ARMH4: variants seen among roughly 807,000 people sequenced by gnomAD.
The protein encoded by ARMH4 is armadillo-like helical domain-containing protein 4.
Under a neutral mutation model 61.9 loss-of-function variants are expected in ARMH4, and 49 were observed. The ratio of observed to expected loss-of-function variants is 0.79; its 90% confidence interval spans 0.63 to 1.00. The LOEUF is 1.00. ARMH4 is among the 50% of genes least tolerant of loss of function. ARMH4 has a pLI of 0.00. For missense variants in ARMH4, 934 were observed against 930.0 expected (o/e 1.00, Z -0.06); for synonymous variants, 368 against 341.5 (o/e 1.08, Z -0.85).
chr14:58,034,499 C>G (rs377085693), intron 5 of ARMH4, among the ~76,000 whole-genome samples: 1 of 126,918 alleles, frequency 7.9e-6, no homozygotes, highest in Non-Finnish European at 1.8e-5. Context: ...CATCAACTAA[C>G]AAGCAAAATC....
At chr14:58,090,617 C>T (rs1261628074) in intron 5 of ARMH4, among the ~76,000 whole-genome samples, 1 of 151,206 alleles carries the variant, frequency 6.6e-6, no homozygotes, top group Admixed American at 6.6e-5. Flanking sequence ...AGTGGCTCAC[C>T]CCTGTAATCT....
At chr14:58,115,427 T>C (rs1018147165) in intron 4 of ARMH4, among the ~76,000 whole-genome samples, 1 of 152,098 alleles carries the variant, frequency 6.6e-6, no homozygotes, top group African/African-American at 2.4e-5. Flanking sequence ...ACATAACAGA[T>C]GCTGGTGAGG....
At chr14:58,042,048 G>C (rs1410526296) in intron 5 of ARMH4, among the ~76,000 whole-genome samples, 1 of 151,806 alleles carries the variant, frequency 6.6e-6, no homozygotes, top group Non-Finnish European at 1.5e-5. Flanking sequence ...GAGACAGAAA[G>C]TTAACAAGGA....
intron 5 of ARMH4, among the ~76,000 whole-genome samples, chr14:58,074,222 C>T (rs141444131): frequency 2.4e-3 from 369 of 152,290 alleles, no homozygotes; most frequent in African/African-American, 7.9e-3. Flanking sequence ...TTGATTCTCA[C>T]AAGATGATTT....
chr14:58,031,698 T>C (rs1466608936), intron 5 of ARMH4, among the ~76,000 whole-genome samples: 2 of 152,166 alleles, frequency 1.3e-5, no homozygotes, highest in African/African-American at 4.8e-5. Flanking sequence ...CAATACATGA[T>C]ACACTAACAA....
At chr14:58,075,354 C>A (rs960805172) in intron 5 of ARMH4, among the ~76,000 whole-genome samples, 36 of 152,120 alleles carry the variant, frequency 2.4e-4, no homozygotes, top group African/African-American at 8.5e-4. Flanking sequence ...TGGAACCACC[C>A]AAATGCCCAT....
chr14:58,134,148 C>T (rs1285147323), intron 2 of ARMH4, among the ~76,000 whole-genome samples: 2 of 152,190 alleles, frequency 1.3e-5, no homozygotes, highest in African/African-American at 4.8e-5. Context: ...GCTATTATAA[C>T]TCCACTTTAC....
intron 6 of ARMH4, among the ~76,000 whole-genome samples, chr14:58,006,797 TAC>T (rs1882189136): frequency 6.7e-6 from 1 of 150,172 alleles, no homozygotes; most frequent in Non-Finnish European, 1.5e-5. Flanking sequence ...CATTAGGAGA[TAC>T]ACCTAATGTA....
intron 5 of ARMH4, among the ~76,000 whole-genome samples, chr14:58,084,588 T>C (rs1474370714): frequency 6.6e-6 from 1 of 152,184 alleles, no homozygotes; most frequent in Admixed American, 6.5e-5. Flanking sequence ...ATCCTTCCTG[T>C]TCCAAACAGT....
In ARMH4 at chr14:58,003,560, C is replaced by G. The variant is rs898777466; in HGVS notation, c.*1176G>C. 7 of 152,192 alleles carry G rather than the reference C, an allele frequency of 4.6e-5. No individual in the cohort carries two copies. Among genetic ancestry groups the G allele is most frequent in the Non-Finnish European group, 7.3e-5 (5 of 68,032 alleles). The allele number at this position is 152,192 out of a possible 1,614,324, so 9.4% of individuals were successfully genotyped here. On this transcript the variant is annotated 3_prime_UTR_variant, in exon 8 of 8. Coordinates refer to ENST00000267485, the MANE Select transcript of ARMH4 (RefSeq NM_001001872.4). The stretch of plus-strand genomic sequence containing the variant: ...AAACTCAACTACAAATCCTCAATCC[C>G]TAGATTCAAATAGCGCATTGGAATA...
At chr14:58,115,716 C>A (rs147859624) in intron 4 of ARMH4, among the ~76,000 whole-genome samples, 6 of 152,084 alleles carry the variant, frequency 3.9e-5, no homozygotes, top group Non-Finnish European at 7.4e-5. Context: ...ACATATACAC[C>A]ATGGAATACT....
intron 2 of ARMH4, among the ~76,000 whole-genome samples, chr14:58,133,605 A>G (rs1887202682): frequency 1.3e-5 from 2 of 152,216 alleles, no homozygotes. Flanking sequence ...TAGGAAGATC[A>G]ATTGCTGAGC....
At chr14:58,067,842 A>C (rs1317791832) in intron 5 of ARMH4, among the ~76,000 whole-genome samples, 1 of 152,244 alleles carries the variant, frequency 6.6e-6, no homozygotes, top group Non-Finnish European at 1.5e-5. Flanking sequence ...TGCAAAAATG[A>C]TCACCTTATG....
At chr14:58,116,398 G>A in intron 4 of ARMH4, 1 of 385,604 alleles carries the variant, frequency 2.6e-6, no homozygotes, top group Non-Finnish European at 5.4e-6. Context: ...TTCTTGGCTG[G>A]GTGCAGGAGT....
intron 5 of ARMH4, among the ~76,000 whole-genome samples, chr14:58,064,432 G>A (rs1376245173): frequency 1.3e-5 from 2 of 152,134 alleles, no homozygotes; most frequent in African/African-American, 4.8e-5. Context: ...GGCAGAAGAC[G>A]ACATTATCAA....
chr14:58,001,084 T>C lies in ARMH4; in HGVS notation c.*3652A>G, dbSNP rs1175194604. On this transcript the variant is annotated 3_prime_UTR_variant, in exon 8 of 8. Transcript: ENST00000267485. ...CCCTTATGAGTTTGATTATTTTGGA[T>C]ACCTCAAAGAAGTGCAATCATGCAT... The C allele has an allele frequency of 6.6e-6, 1 of 152,236 alleles. No individual in the cohort carries two copies. The highest frequency in any genetic ancestry group is 1.5e-5 in the Non-Finnish European group (1 of 68,050). The allele number at this position is 152,236 out of a possible 1,614,324, so 9.4% of individuals were successfully genotyped here.
chr14:58,146,435 T>C (rs1280068583), intron 1 of ARMH4, among the ~76,000 whole-genome samples: 5 of 152,250 alleles, frequency 3.3e-5, no homozygotes, highest in South Asian at 4.1e-4. Context: ...CCAACTGATG[T>C]TGGATATCAG....
intron 5 of ARMH4, among the ~76,000 whole-genome samples, chr14:58,032,082 G>A (rs560471055): frequency 3.9e-5 from 6 of 151,904 alleles, no homozygotes; most frequent in South Asian, 2.1e-4. Flanking sequence ...TTCTTCTCCC[G>A]GCTCACTCCC....
At chr14:58,019,559 C>T (rs927240424) in intron 5 of ARMH4, among the ~76,000 whole-genome samples, 79 of 152,134 alleles carry the variant, frequency 5.2e-4, no homozygotes, top group African/African-American at 1.8e-3. Flanking sequence ...GTGTGAAGAT[C>T]GAAGATGCAG....
Sources: gnomAD v4.1 joint callset for allele counts (sites outside exome capture counted in the v4.1 genomes callset) on GRCh38, gnomAD v4.1.1 for gene constraint, MANE v1.5 for transcripts, NCBI Gene and HGNC (gene_info 2026-07-23, HGNC 2026-07-21) for gene names.